Variants in GOLGA8B observed in about 807,000 individuals in gnomAD.
The protein encoded by GOLGA8B is golgin subfamily A member 8B.
In GOLGA8B, 1 loss-of-function variant was observed where a neutral mutation model predicts 15.6. That is an observed-to-expected ratio of 0.06 (90% CI 0.02 to 0.30). GOLGA8B has a LOEUF of 0.30. GOLGA8B is among the 10% of genes least tolerant of loss of function. The probability of loss-of-function intolerance (pLI) is 1.00; values close to 1 mark genes in which losing one functional copy is unlikely to be tolerated. For missense variants in GOLGA8B, 17 were observed against 201.3 expected (o/e 0.08, Z 5.54); for synonymous variants, 9 against 80.3 (o/e 0.11, Z 4.75).
chr15:34,582,480 C>G (rs558498887), intron 1 of GOLGA8B, among the ~76,000 whole-genome samples: 5 of 152,364 alleles, frequency 3.3e-5, no homozygotes, highest in East Asian at 1.9e-4. Context: ...ACGCAAGATG[C>G]GAAGTTTGGG....
At position 34,526,059 on chromosome 15, in the gene GOLGA8B, C is replaced by T. The variant is rs1006505340; in HGVS notation, c.*1573G>A. 6.7e-6 allele frequency: 1 copy of T among 149,600 alleles called. No individual in the cohort carries two copies. The highest frequency in any genetic ancestry group is 2.5e-5 in the African/African-American group (1 of 40,418). 9.3% of individuals were successfully genotyped at this position (149,600 alleles called of 1,614,324 possible). A position where few individuals can be genotyped will look rare whatever the true frequency, so the allele number is the denominator to read the frequency against. On this transcript the variant is annotated 3_prime_UTR_variant, in exon 24 of 24. Coordinates refer to ENST00000683415, the MANE Select transcript of GOLGA8B (RefSeq NM_001023567.5). ...AGGCAATGTATGATTGAAATGCATTCACTCATCACGCATAGGCACAATCAC... is the reference window on the plus strand; with the variant it reads ...AGGCAATGTATGATTGAAATGCATTTACTCATCACGCATAGGCACAATCAC...
chr15:34,583,323 G>A (rs1259052246), intron 1 of GOLGA8B, among the ~76,000 whole-genome samples, 193 bp downstream of exon 1: 1 of 152,192 alleles, frequency 6.6e-6, no homozygotes, highest in Non-Finnish European at 1.5e-5. Flanking sequence ...GAGAGGCGTA[G>A]GCCAGCCGGG....
intron 1 of GOLGA8B, among the ~76,000 whole-genome samples, chr15:34,578,793 C>A (rs1190610662): frequency 1.3e-5 from 2 of 152,152 alleles, no homozygotes; most frequent in African/African-American, 4.8e-5. Flanking sequence ...GAAAATATTT[C>A]CACAGTCACT....
intron 1 of GOLGA8B, among the ~76,000 whole-genome samples, chr15:34,557,644 A>ATG (rs780443805): frequency 0.14 from 10,997 of 75,982 alleles, 1,331 homozygotes; most frequent in African/African-American, 0.2. Flanking sequence ...GAATTCATGA[A>ATG]TGTGTGTGTG....
At position 34,525,915 on chromosome 15, in the gene GOLGA8B, G is replaced by A. The variant is rs1273167858; in HGVS notation, c.*1717C>T. On this transcript the variant is annotated 3_prime_UTR_variant, in exon 24 of 24. Transcript: ENST00000683415. ...TAACTAGAAAACTCCCCACCCCAGG[G>A]AGCACACATACATATCTCCCTACAA... 1.3e-5 allele frequency: 2 copies of A among 148,796 alleles called. No individual in the cohort carries two copies. Among genetic ancestry groups the A allele is most frequent in the African/African-American group, 5.0e-5 (2 of 40,078 alleles). The allele number at this position is 148,796 out of a possible 1,614,324, so 9.2% of individuals were successfully genotyped here.
At chr15:34,571,979 C>T (rs1888926977) in intron 1 of GOLGA8B, among the ~76,000 whole-genome samples, 1 of 152,060 alleles carries the variant, frequency 6.6e-6, no homozygotes, top group Admixed American at 6.6e-5. Flanking sequence ...AAAAGCTACA[C>T]AAATCAAGAG....
intron 1 of GOLGA8B, among the ~76,000 whole-genome samples, chr15:34,576,103 C>T (rs1436017204): frequency 2.6e-5 from 4 of 152,166 alleles, no homozygotes; most frequent in Non-Finnish European, 5.9e-5. Flanking sequence ...TTTGTTTCCA[C>T]TATTAGATTA....
chr15:34,583,107 T>C (rs1269937073), intron 1 of GOLGA8B, among the ~76,000 whole-genome samples: 1 of 152,094 alleles, frequency 6.6e-6, no homozygotes, highest in African/African-American at 2.4e-5. Flanking sequence ...GCTCGGGGAC[T>C]TGATGCCGGC....
At chr15:34,582,564 G>A (rs1424292966) in intron 1 of GOLGA8B, among the ~76,000 whole-genome samples, 2 of 152,208 alleles carry the variant, frequency 1.3e-5, no homozygotes, top group Non-Finnish European at 2.9e-5. Context: ...TGCCTGCCAG[G>A]TCGTATCTCA....
At chr15:34,569,139 C>T (rs201866529) in intron 1 of GOLGA8B, among the ~76,000 whole-genome samples, 15,566 of 144,660 alleles carry the variant, frequency 0.11, 306 homozygotes, top group East Asian at 0.25. Flanking sequence ...GGCTGTGACA[C>T]GCTGGCCGAG....
At chr15:34,579,584 G>A (rs7179402) in intron 1 of GOLGA8B, among the ~76,000 whole-genome samples, 55,472 of 152,044 alleles carry the variant, frequency 0.36, 10,551 homozygotes, top group Admixed American at 0.45. Context: ...TCCCAAACAC[G>A]TTCTCCTCTG....
At chr15:34,579,744 G>A (rs1451723344) in intron 1 of GOLGA8B, among the ~76,000 whole-genome samples, 1 of 152,194 alleles carries the variant, frequency 6.6e-6, no homozygotes, top group Non-Finnish European at 1.5e-5. Context: ...GGCACAGGGA[G>A]CAGGACATGT....
In GOLGA8B at chr15:34,583,649, A is replaced by T. The variant is rs566620786; in HGVS notation, c.-1256T>A. ...CGACTGCTAATTAGCCCGGAAGCTGAATAGCGGCGGGTACATACCGCAAGC... is the reference window on the plus strand; with the variant it reads ...CGACTGCTAATTAGCCCGGAAGCTGTATAGCGGCGGGTACATACCGCAAGC... On this transcript the variant is annotated 5_prime_UTR_variant, in exon 1 of 24. Coordinates refer to ENST00000683415, the MANE Select transcript of GOLGA8B (RefSeq NM_001023567.5). The T allele has an allele frequency of 6.6e-6, 1 of 152,222 alleles. No individual in the cohort carries two copies. Among genetic ancestry groups the T allele is most frequent in the East Asian group, 1.9e-4 (1 of 5,138 alleles). 9.4% of individuals were successfully genotyped at this position (152,222 alleles called of 1,614,324 possible).
At chr15:34,569,196 T>TCTTCCACTTCCA (rs1398749345) in intron 1 of GOLGA8B, among the ~76,000 whole-genome samples, 12 of 146,416 alleles carry the variant, frequency 8.2e-5, no homozygotes, top group Middle Eastern at 3.5e-3. Flanking sequence ...CTGTTCCACC[T>TCTTCCACTTCCA]CTTCCACTTC....
intron 1 of GOLGA8B, among the ~76,000 whole-genome samples, chr15:34,572,335 C>A (rs1888939713): frequency 6.6e-6 from 1 of 152,198 alleles, no homozygotes; most frequent in Admixed American, 6.5e-5. Context: ...GAAAACAACC[C>A]CACGCAGATG....
At chr15:34,554,380 C>CCATGCCCACCT (rs1198931162) in intron 1 of GOLGA8B, among the ~76,000 whole-genome samples, 1 of 151,784 alleles carries the variant, frequency 6.6e-6, no homozygotes, top group Non-Finnish European at 1.5e-5. Flanking sequence ...CACACACATA[C>CCATGCCCACCT]CATGCCCACC....
chr15:34,574,582 G>C (rs1212334704), intron 1 of GOLGA8B, among the ~76,000 whole-genome samples: 1 of 152,082 alleles, frequency 6.6e-6, no homozygotes, highest in East Asian at 1.9e-4. Context: ...TGGGATTACA[G>C]CATGAACCAC....
chr15:34,574,876 T>C (rs959764509), intron 1 of GOLGA8B: 4 of 152,124 alleles, frequency 2.6e-5, no homozygotes, highest in African/African-American at 4.8e-5. Flanking sequence ...GAAATGTTTC[T>C]TGCCCAGCAG....
chr15:34,577,940 A>C (rs777324916), intron 1 of GOLGA8B, among the ~76,000 whole-genome samples: 10 of 152,190 alleles, frequency 6.6e-5, no homozygotes, highest in Non-Finnish European at 1.5e-4. Context: ...ACTGCACTAC[A>C]ACTTTACGAC....
Sources: gnomAD v4.1 joint callset for allele counts (sites outside exome capture counted in the v4.1 genomes callset) on GRCh38, gnomAD v4.1.1 for gene constraint, MANE v1.5 for transcripts, NCBI Gene and HGNC (gene_info 2026-07-23, HGNC 2026-07-21) for gene names.